Variants in THRAP3 observed in about 807,000 individuals in gnomAD.
THRAP3 encodes thyroid hormone receptor-associated protein 3.
In THRAP3, 16 loss-of-function variants were observed where a neutral mutation model predicts 101.0. The ratio of observed to expected loss-of-function variants is 0.16; its 90% CI spans 0.11 to 0.24. The LOEUF is 0.24. Among genes scored for constraint, THRAP3 ranks in the 10% least tolerant of loss-of-function variants. THRAP3 has a pLI of 1.00. For synonymous variants in THRAP3, 407 were observed against 422.6 expected (o/e 0.96, Z 0.45); for missense variants, 989 against 1,202.7 (o/e 0.82, Z 2.63).
chr1:36,236,122 G>A (rs1050156440), intron 1 of THRAP3, among the ~76,000 whole-genome samples: 11 of 151,668 alleles, frequency 7.3e-5, no homozygotes, highest in African/African-American at 1.5e-4. Flanking sequence ...CATTGTGGCA[G>A]GTGCCTGTAG....
chr1:36,244,920 T>C (rs1233463395), intron 1 of THRAP3, among the ~76,000 whole-genome samples: 1 of 151,490 alleles, frequency 6.6e-6, no homozygotes, highest in African/African-American at 2.4e-5. Flanking sequence ...CGGGGTTTCA[T>C]GATGTTGGCC....
chr1:36,216,914 A>T, the THRAP3 span, among the ~76,000 whole-genome samples: 1 of 152,036 alleles, frequency 6.6e-6, no homozygotes, highest in Non-Finnish European at 1.5e-5. Flanking sequence ...TATACCATAT[A>T]CTCTTCCTGC....
intron 2 of THRAP3, among the ~76,000 whole-genome samples, chr1:36,264,191 T>C (rs769372034): frequency 4.6e-5 from 7 of 152,214 alleles, no homozygotes; most frequent in Non-Finnish European, 1.0e-4. Context: ...CAGGTTTTAA[T>C]AAATAGCAAG....
At chr1:36,235,060 C>T (rs1462055758) in intron 1 of THRAP3, among the ~76,000 whole-genome samples, 2 of 152,118 alleles carry the variant, frequency 1.3e-5, no homozygotes, top group South Asian at 2.1e-4. Flanking sequence ...GTGATCCACC[C>T]GCCTTGGCCT....
In THRAP3 at chr1:36,286,545, A is replaced by C; in HGVS notation, c.315A>C (p.Gly105=). Residue 105 remains glycine, a synonymous_variant, in exon 4 of 12, where the codon GGA becomes GGC. Coordinates refer to ENST00000354618, the MANE Select transcript of THRAP3 (RefSeq NM_005119.4). This position sits in a 1 kb window ranked among gnomAD's most constrained non-coding sequence, Gnocchi z 5.5. ...PWGQYNRGGY[G]NYRSNWQNYR... is the part of the protein sequence containing the mutation. ...GCCAATATAACCGAGGAGGCTATGG[A>C]AACTACCGCTCAAATTGGCAGAATT... 6.2e-7 allele frequency: 1 copy of C among 1,614,186 alleles called. No individual in the cohort carries two copies. The highest frequency in any genetic ancestry group is 8.5e-7 in the Non-Finnish European group (1 of 1,180,046).
chr1:36,287,995 C>G (rs1269135715), intron 4 of THRAP3: 6 of 927,364 alleles, frequency 6.5e-6, no homozygotes, highest in Non-Finnish European at 6.4e-6. Context: ...GTGGCTCCCC[C>G]TTTTTTTTTC....
At chr1:36,264,531 A>G (rs1213892524) in intron 2 of THRAP3, among the ~76,000 whole-genome samples, 1 of 152,226 alleles carries the variant, frequency 6.6e-6, no homozygotes, top group African/African-American at 2.4e-5. Context: ...GCATTTTAGA[A>G]TGATAATTTG....
At chr1:36,208,650 T>C in the THRAP3 span, among the ~76,000 whole-genome samples, 67 of 152,330 alleles carry the variant, frequency 4.4e-4, no homozygotes, top group Middle Eastern at 6.8e-3. Context: ...GGCATGTCCA[T>C]GTAACCAACA....
At chr1:36,287,454 A>G (rs1645811111) in intron 4 of THRAP3, 184 bp downstream of exon 4, 6 of 985,224 alleles carry the variant, frequency 6.1e-6, no homozygotes, top group African/African-American at 1.7e-5. Context: ...TAGCTTTCCT[A>G]CCTTCCTGAA....
At chr1:36,287,295 G>T (rs199563213) in intron 4 of THRAP3, 25 bp downstream of exon 4, 5 of 1,559,810 alleles carry the variant, frequency 3.2e-6, no homozygotes, top group Non-Finnish European at 4.3e-6. Context: ...TCCCCTGCCT[G>T]GTTGTGTTTT....
chr1:36,247,211 A>G (rs1201219105), intron 1 of THRAP3, among the ~76,000 whole-genome samples: 1 of 151,582 alleles, frequency 6.6e-6, no homozygotes, highest in East Asian at 2.0e-4. Flanking sequence ...CAGCTACTCG[A>G]GAGACTGAGG....
chr1:36,260,394 C>T (rs1364172455), intron 2 of THRAP3, among the ~76,000 whole-genome samples: 2 of 152,176 alleles, frequency 1.3e-5, no homozygotes, highest in Non-Finnish European at 2.9e-5. Context: ...TTCAACTCTC[C>T]AGTTCCTTTT....
At chr1:36,299,545 G>C (rs1257319175) in intron 9 of THRAP3, among the ~76,000 whole-genome samples, 3 of 151,416 alleles carry the variant, frequency 2.0e-5, no homozygotes, top group Non-Finnish European at 2.9e-5. Context: ...CTGTCACCCA[G>C]GCTGGAGTGC....
chr1:36,244,204 A>G (rs978073712), intron 1 of THRAP3, among the ~76,000 whole-genome samples: 1 of 152,248 alleles, frequency 6.6e-6, no homozygotes, highest in Non-Finnish European at 1.5e-5. Flanking sequence ...GCAGCTACTA[A>G]TTTATTTTCT....
chr1:36,235,845 A>G (rs1380140401), intron 1 of THRAP3, among the ~76,000 whole-genome samples: 1 of 152,180 alleles, frequency 6.6e-6, no homozygotes, highest in African/African-American at 2.4e-5. Flanking sequence ...GTACATTCAT[A>G]TAGTGGAATG....
chr1:36,254,281 T>G (rs537283845), intron 1 of THRAP3, among the ~76,000 whole-genome samples: 1 of 152,220 alleles, frequency 6.6e-6, no homozygotes, highest in African/African-American at 2.4e-5. Flanking sequence ...TTTACCGTCA[T>G]TTGCTTTCTT....
At chr1:36,302,726 AT>A (rs1394968541) in intron 11 of THRAP3, among the ~76,000 whole-genome samples, 1 of 152,164 alleles carries the variant, frequency 6.6e-6, no homozygotes, top group Non-Finnish European at 1.5e-5. Flanking sequence ...TGATAAGGTA[AT>A]GACTGCTGGT....
At chr1:36,290,390 C>T (rs1036054386) in intron 5 of THRAP3, among the ~76,000 whole-genome samples, 8 of 152,126 alleles carry the variant, frequency 5.3e-5, no homozygotes, top group East Asian at 1.9e-4. Context: ...GGGGTTTCAC[C>T]GTGTTAGCCA....
intron 11 of THRAP3, among the ~76,000 whole-genome samples, chr1:36,302,738 T>C (rs1405431894): frequency 6.6e-6 from 1 of 152,202 alleles, no homozygotes. Flanking sequence ...GACTGCTGGT[T>C]TTCAAAATGC....
Sources: allele counts gnomAD v4.1 joint callset (sites outside exome capture counted in the v4.1 genomes callset), GRCh38; gene constraint gnomAD v4.1.1; non-coding constraint Gnocchi (gnomAD v3.1); transcripts MANE v1.5; gene names NCBI Gene and HGNC (gene_info 2026-07-23, HGNC 2026-07-21).